ZFPM2: variants seen among roughly 807,000 people sequenced by gnomAD.
ZFPM2 encodes zinc finger protein, FOG family member 2, also known as zinc finger protein ZFPM2.
A neutral mutation model predicts 98.6 loss-of-function variants in ZFPM2; 20 were observed. That is an observed-to-expected ratio of 0.20 (90% confidence interval 0.14 to 0.29). The LOEUF (loss-of-function observed/expected upper bound fraction) is 0.29, where lower values mean the gene tolerates loss of function less well. Among genes scored for constraint, ZFPM2 ranks in the 10% least tolerant of loss-of-function variants. ZFPM2 has a pLI of 1.00. For synonymous variants in ZFPM2, 518 were observed against 502.7 expected (o/e 1.03, Z -0.41); for missense variants, 1,310 against 1,388.6 (o/e 0.94, Z 0.90).
chr8:105,418,497 A>G lies in ZFPM2; in HGVS notation c.41-647A>G. Reference sequence around the variant, plus strand: ...GGGAGTTGTATTTTTATTACTGAAAAAGTATCACATAAATACAAATTACAT... The same window carrying G: ...GGGAGTTGTATTTTTATTACTGAAAGAGTATCACATAAATACAAATTACAT... On this transcript the variant is annotated intron_variant, in intron 1 of 7. Coordinates refer to ENST00000407775, the MANE Select transcript of ZFPM2 (RefSeq NM_012082.4). The G allele has an allele frequency of 5.9e-6, 3 of 507,444 alleles. 1 individual carries two copies. The highest frequency in any genetic ancestry group is 4.3e-5 in the South Asian group (3 of 69,992). 31.4% of individuals were successfully genotyped at this position (507,444 alleles called of 1,614,324 possible).
intron 1 of ZFPM2, among the ~76,000 whole-genome samples, chr8:105,330,613 CATATATATATATATATATACAT>C (rs1373904597): frequency 6.6e-5 from 6 of 90,698 alleles, no homozygotes; most frequent in Non-Finnish European, 9.4e-5. Flanking sequence ...TATATATACA[CATATATATATATATATATACAT>C]ATATATATAT....
At chr8:105,459,591 A>G (rs1402678332) in intron 3 of ZFPM2, among the ~76,000 whole-genome samples, 13 of 152,162 alleles carry the variant, frequency 8.5e-5, no homozygotes, top group Non-Finnish European at 1.5e-4. Flanking sequence ...AAATCAAGGT[A>G]TCAGCAGGCG....
At chr8:105,423,377 A>G (rs1158689374) in intron 2 of ZFPM2, among the ~76,000 whole-genome samples, 1 of 152,154 alleles carries the variant, frequency 6.6e-6, no homozygotes, top group Non-Finnish European at 1.5e-5. Flanking sequence ...GAAATGAACT[A>G]TGTTGATAAA....
At chr8:105,698,216 A>G (rs888073650) in intron 5 of ZFPM2, among the ~76,000 whole-genome samples, 2 of 152,164 alleles carry the variant, frequency 1.3e-5, no homozygotes, top group Admixed American at 6.5e-5. Context: ...ATACTTTCCA[A>G]CTTTCACTAG....
At chr8:105,379,882 A>G (rs1446910292) in intron 1 of ZFPM2, among the ~76,000 whole-genome samples, 1 of 152,230 alleles carries the variant, frequency 6.6e-6, no homozygotes, top group Admixed American at 6.5e-5. Context: ...TTCACAATGT[A>G]AAATGAGGAA....
intron 4 of ZFPM2, among the ~76,000 whole-genome samples, chr8:105,565,301 A>G (rs182078022): frequency 6.6e-6 from 1 of 152,300 alleles, no homozygotes; most frequent in East Asian, 1.9e-4. Flanking sequence ...TCTTGGAATT[A>G]TATAACACAC....
intron 1 of ZFPM2, among the ~76,000 whole-genome samples, chr8:105,358,202 A>G (rs143824179): frequency 3.5e-4 from 53 of 152,176 alleles, no homozygotes; most frequent in African/African-American, 1.3e-3. Context: ...CTAGAAAATC[A>G]GCATTTATAG....
At chr8:105,416,668 G>C (rs1176365752) in intron 1 of ZFPM2, among the ~76,000 whole-genome samples, 1 of 151,550 alleles carries the variant, frequency 6.6e-6, no homozygotes, top group East Asian at 1.9e-4. Context: ...GCTATTAAAA[G>C]CTACTTTACA....
At chr8:105,321,291 C>T (rs1031502236) in intron 1 of ZFPM2, among the ~76,000 whole-genome samples, 20 of 152,044 alleles carry the variant, frequency 1.3e-4, no homozygotes, top group Non-Finnish European at 2.8e-4. Flanking sequence ...GTAGGTCTCT[C>T]CCCCCAGTTT....
intron 3 of ZFPM2, among the ~76,000 whole-genome samples, chr8:105,503,542 G>T (rs577374474): frequency 6.6e-6 from 1 of 152,270 alleles, no homozygotes; most frequent in South Asian, 2.1e-4. Flanking sequence ...AAAAAGACTG[G>T]CCTGGCTCTA....
At chr8:105,736,789 T>C (rs1812082209) in intron 5 of ZFPM2, among the ~76,000 whole-genome samples, 1 of 152,092 alleles carries the variant, frequency 6.6e-6, no homozygotes, top group Non-Finnish European at 1.5e-5. Flanking sequence ...TTGGCTTCTA[T>C]ACACCAGGAC....
intron 3 of ZFPM2, among the ~76,000 whole-genome samples, chr8:105,520,180 A>G (rs542787552): frequency 4.5e-4 from 69 of 152,312 alleles, no homozygotes; most frequent in Admixed American, 1.2e-3. Context: ...GCAACAGAAC[A>G]TTGTTTAAGG....
chr8:105,345,425 C>CTTTTTTTTT (rs10560485), intron 1 of ZFPM2, among the ~76,000 whole-genome samples: 1 of 98,358 alleles, frequency 1.0e-5, no homozygotes, highest in Admixed American at 1.4e-4. Context: ...TCGTGATGTT[C>CTTTTTTTTT]TTTTTTTTTT....
chr8:105,798,591 A>T (rs1045097015), intron 6 of ZFPM2, 133 bp from the exon 7 acceptor site: 64 of 691,176 alleles, frequency 9.3e-5, no homozygotes, highest in Non-Finnish European at 8.9e-5. Context: ...AACACCAAAG[A>T]CTGTTACTCA....
chr8:105,419,051 C>T, intron 1 of ZFPM2, 93 bp from the exon 2 acceptor site: 1 of 1,201,312 alleles, frequency 8.3e-7, no homozygotes, highest in Non-Finnish European at 1.2e-6. Context: ...TTATTTTTCT[C>T]ACCACTGTAA....
chr8:105,518,944 G>A (rs1813993870), intron 3 of ZFPM2, among the ~76,000 whole-genome samples: 2 of 152,164 alleles, frequency 1.3e-5, no homozygotes, highest in African/African-American at 2.4e-5. Flanking sequence ...GTTTTGATAT[G>A]TGTTAGTTAA....
chr8:105,669,779 C>T (rs1178521891), intron 5 of ZFPM2, among the ~76,000 whole-genome samples: 4 of 152,226 alleles, frequency 2.6e-5, no homozygotes, highest in East Asian at 3.9e-4. Context: ...CAAGCAACTC[C>T]GACTACAGCT....
intron 4 of ZFPM2, among the ~76,000 whole-genome samples, chr8:105,581,469 A>T (rs1815597286): frequency 7.1e-6 from 1 of 141,262 alleles, no homozygotes; most frequent in African/African-American, 2.9e-5. Flanking sequence ...ATTTCTTATG[A>T]TAGAGATTAA....
At chr8:105,797,276 T>A (rs1422562420) in intron 6 of ZFPM2, 1 of 151,976 alleles carries the variant, frequency 6.6e-6, no homozygotes, top group Non-Finnish European at 1.5e-5. Flanking sequence ...TTACCATGAG[T>A]GAACACATGA....
Sources: allele counts gnomAD v4.1 joint callset (sites outside exome capture counted in the v4.1 genomes callset), GRCh38; gene constraint gnomAD v4.1.1; transcripts MANE v1.5; gene names NCBI Gene and HGNC (gene_info 2026-07-23, HGNC 2026-07-21).